PDE9A: variants seen among roughly 807,000 people sequenced by gnomAD.
The protein encoded by PDE9A is high affinity cGMP-specific 3',5'-cyclic phosphodiesterase 9A.
Under a neutral mutation model 87.4 loss-of-function variants are expected in PDE9A, and 60 were observed. The observed-to-expected ratio is 0.69, with a 90% CI of 0.56 to 0.85. The LOEUF is 0.85. Ranked by LOEUF, PDE9A falls within the 40% of genes least tolerant of loss-of-function variation. PDE9A has a pLI of 0.00. For synonymous variants in PDE9A, 272 were observed against 279.4 expected (o/e 0.97, Z 0.27); for missense variants, 665 against 779.0 (o/e 0.85, Z 1.74).
chr21:42,743,904 G>T (rs911703729), intron 8 of PDE9A, 44 bp downstream of exon 8: 8 of 1,149,486 alleles, frequency 7.0e-6, no homozygotes, highest in Non-Finnish European at 1.0e-5. Flanking sequence ...CCTGGGGAGG[G>T]CTCCCCGTAC....
In PDE9A at chr21:42,713,488, G is replaced by A. The variant is rs183216341; in HGVS notation, c.262+14477G>A. On this transcript the variant is annotated intron_variant, in intron 4 of 19. Coordinates refer to ENST00000291539, the MANE Select transcript of PDE9A (RefSeq NM_002606.3). Reference sequence around the variant, plus strand: ...CTAACAATTCGTTAAGAATGTGGCTGTCTATGCTTAAATGGGATATTGATT... The same window carrying A: ...CTAACAATTCGTTAAGAATGTGGCTATCTATGCTTAAATGGGATATTGATT... 3.3e-5 allele frequency among the ~76,000 whole-genome samples: 5 copies of A among 152,312 alleles called. No individual in the cohort carries two copies. The East Asian group carries it at 7.7e-4, about 23-fold the overall frequency.
chr21:42,722,472 C>T lies in PDE9A; in HGVS notation c.263-9298C>T, dbSNP rs922270154. ...TACGATCAAGGGCAATAGAATGGAT[C>T]GTGCATGAGCTCCCAGGCCACACAC... On this transcript the variant is annotated intron_variant, in intron 4 of 19. Transcript: ENST00000291539. The surrounding 1 kb of genome is among the most constrained non-coding windows in gnomAD (Gnocchi z 4.1). Among the ~76,000 whole-genome samples the T allele has an allele frequency of 7.2e-5, 11 of 152,184 alleles. No homozygotes were observed. The East Asian group carries it at 1.9e-3, about 27-fold the overall frequency.
chr21:42,762,097 C>T lies in PDE9A; in HGVS notation c.1100C>T (p.Ala367Val). 1 of 1,613,732 alleles carries T rather than the reference C, an allele frequency of 6.2e-7. No homozygotes were observed. Among genetic ancestry groups the T allele is most frequent in the Non-Finnish European group, 8.5e-7 (1 of 1,179,776 alleles). ...TTGCCTCCCAGGTACCAGATCAATG[C>T]CCGCACAGAGCTGGCGGTCCGCTAC... ...PGYNNTYQIN[A>V]RTELAVRYND... The change falls in exon 14 of 20, where the codon GCC (alanine) becomes GTC (valine). Residue 367 changes from alanine to valine, a missense_variant. By Grantham distance (64) the Ala-to-Val change is moderately conservative. Transcript: ENST00000291539.
chr21:42,660,573 A>G lies in PDE9A; in HGVS notation c.69+6690A>G. 6.6e-6 allele frequency among the ~76,000 whole-genome samples: 1 copy of G among 152,042 alleles called. No individual in the cohort carries two copies. Among genetic ancestry groups the G allele is most frequent in the East Asian group, 1.9e-4 (1 of 5,188 alleles). ...CCAGAATCTCAGAAATCACCACTAAAGAACTTACCCATGTAACCAAACACC... is the reference window on the plus strand; with the variant it reads ...CCAGAATCTCAGAAATCACCACTAAGGAACTTACCCATGTAACCAAACACC... On this transcript the variant is annotated intron_variant, in intron 1 of 19. Transcript: ENST00000291539. The surrounding 1 kb of genome is among the most constrained non-coding windows in gnomAD (Gnocchi z 4.7).
chr21:42,688,747 A>C (rs2059618875), intron 3 of PDE9A, among the ~76,000 whole-genome samples: 1 of 152,208 alleles, frequency 6.6e-6, no homozygotes, highest in Non-Finnish European at 1.5e-5. Flanking sequence ...AGTGGGGCTC[A>C]CTGTGCCTCC....
At chr21:42,769,741 C>T (rs2056853147) in intron 17 of PDE9A, among the ~76,000 whole-genome samples, 1 of 144,880 alleles carries the variant, frequency 6.9e-6, no homozygotes, top group African/African-American at 2.5e-5. Context: ...CAGAGGCACA[C>T]ACATGCACAC....
chr21:42,750,462 T>C (rs2054293264), intron 8 of PDE9A, among the ~76,000 whole-genome samples: 1 of 152,050 alleles, frequency 6.6e-6, no homozygotes. Flanking sequence ...TTTCATATTT[T>C]GGTGTTTTTT....
intron 1 of PDE9A, among the ~76,000 whole-genome samples, chr21:42,657,256 C>T (rs2145778412): frequency 6.6e-6 from 1 of 152,356 alleles, no homozygotes; most frequent in South Asian, 2.1e-4. Flanking sequence ...TTCCCGTCAT[C>T]TGTTCCTTGG....
At chr21:42,720,717 T>C (rs564587270) in intron 4 of PDE9A, among the ~76,000 whole-genome samples, 14 of 151,358 alleles carry the variant, frequency 9.2e-5, no homozygotes, top group African/African-American at 3.2e-4. Flanking sequence ...ATAAGGAGGA[T>C]TGAGCTGGCC....
chr21:42,662,249 C>T (rs1057445573), intron 1 of PDE9A, among the ~76,000 whole-genome samples: 3 of 152,074 alleles, frequency 2.0e-5, no homozygotes, highest in Non-Finnish European at 4.4e-5. Context: ...GTCAAGTGGT[C>T]CCTGTGCCTC....
At chr21:42,661,871 G>T (rs1035984969) in intron 1 of PDE9A, among the ~76,000 whole-genome samples, 1 of 152,322 alleles carries the variant, frequency 6.6e-6, no homozygotes, top group African/African-American at 2.4e-5. Flanking sequence ...GCAGCGGAAG[G>T]GTAGGGGGCT....
At chr21:42,706,111 T>A (rs1186480941) in intron 4 of PDE9A, among the ~76,000 whole-genome samples, 1 of 151,718 alleles carries the variant, frequency 6.6e-6, no homozygotes, top group African/African-American at 2.4e-5. Flanking sequence ...TGTGGAGAGG[T>A]TTTGGGGGCA....
At chr21:42,750,933 G>A (rs1057410318) in intron 8 of PDE9A, among the ~76,000 whole-genome samples, 183 bp from the exon 9 acceptor site, 4 of 151,954 alleles carry the variant, frequency 2.6e-5, no homozygotes, top group African/African-American at 9.7e-5. Context: ...TGTGAGGTCA[G>A]AGGTCAGACA....
At chr21:42,661,493 C>T (rs2057486296) in intron 1 of PDE9A, among the ~76,000 whole-genome samples, 1 of 151,682 alleles carries the variant, frequency 6.6e-6, no homozygotes. Context: ...CACAGGATCG[C>T]CCTGCTGTGC....
chr21:42,683,869 G>A (rs775136176), intron 1 of PDE9A, among the ~76,000 whole-genome samples: 17 of 152,188 alleles, frequency 1.1e-4, no homozygotes, highest in East Asian at 1.9e-4. Flanking sequence ...GACAGGATGT[G>A]GTGCCCTTTG....
intron 7 of PDE9A, among the ~76,000 whole-genome samples, chr21:42,742,925 G>A (rs1283599199): frequency 2.0e-5 from 3 of 152,154 alleles, no homozygotes; most frequent in South Asian, 2.1e-4. Context: ...TCAGAATCTC[G>A]TAGTCTCCAG....
intron 8 of PDE9A, among the ~76,000 whole-genome samples, chr21:42,744,571 G>T (rs1829699348): frequency 6.6e-6 from 1 of 152,190 alleles, no homozygotes; most frequent in South Asian, 2.1e-4. Context: ...TTCCCACTGG[G>T]TTGCATTCCA....
At chr21:42,729,255 G>A (rs928941886) in intron 4 of PDE9A, among the ~76,000 whole-genome samples, 5 of 152,098 alleles carry the variant, frequency 3.3e-5, no homozygotes, top group Non-Finnish European at 7.4e-5. Flanking sequence ...CCATTTTATT[G>A]AAGATGTCAG....
chr21:42,772,776 G>A (rs1407561617), intron 19 of PDE9A, among the ~76,000 whole-genome samples: 3 of 151,846 alleles, frequency 2.0e-5, no homozygotes, highest in Non-Finnish European at 4.4e-5. Flanking sequence ...TGGGATTACA[G>A]GCATGAGCCA....
Sources: allele counts gnomAD v4.1 joint callset (sites outside exome capture counted in the v4.1 genomes callset), GRCh38; gene constraint gnomAD v4.1.1; non-coding constraint Gnocchi (gnomAD v3.1); transcripts MANE v1.5; gene names NCBI Gene and HGNC (gene_info 2026-07-23, HGNC 2026-07-21).